Variants in FANK1 observed in about 807,000 individuals in gnomAD.
FANK1 encodes the protein fibronectin type III and ankyrin repeat domains 1, also known as fibronectin type 3 and ankyrin repeat domains protein 1.
FANK1 carries 44 observed loss-of-function variants against 45.3 expected under a neutral mutation model. That is an observed-to-expected ratio of 0.97 (90% confidence interval 0.76 to 1.25). The LOEUF is 1.25. Ranked by LOEUF, FANK1 falls within the 50% of genes most tolerant of loss-of-function variation. FANK1 has a pLI of 0.00. For synonymous variants in FANK1, 149 were observed against 152.5 expected (o/e 0.98, Z 0.17); for missense variants, 391 against 424.4 (o/e 0.92, Z 0.69).
At chr10:125,898,105 T>A (rs1944729448) in intron 1 of FANK1, among the ~76,000 whole-genome samples, 2 of 150,254 alleles carry the variant, frequency 1.3e-5, no homozygotes, top group African/African-American at 2.5e-5. Context: ...GGGAATCGCT[T>A]GAACCCGGGA....
intron 1 of FANK1, among the ~76,000 whole-genome samples, chr10:125,936,091 A>G (rs992345638): frequency 4.6e-5 from 7 of 152,198 alleles, no homozygotes; most frequent in Admixed American, 3.9e-4. Context: ...ATGTAGAAAC[A>G]TTTTTATATT....
chr10:125,967,283 C>T (rs10901486), intron 1 of FANK1, among the ~76,000 whole-genome samples: 54,281 of 151,678 alleles, frequency 0.36, 9,967 homozygotes, highest in South Asian at 0.43. Flanking sequence ...AATCCTGGCT[C>T]TGCTGCTTGT....
chr10:126,006,720 C>T (rs1009395132), intron 7 of FANK1, among the ~76,000 whole-genome samples: 14 of 152,236 alleles, frequency 9.2e-5, no homozygotes, highest in South Asian at 4.2e-4. Context: ...ATTAGCCAGG[C>T]GTGGTGGTGG....
At chr10:125,943,128 A>C (rs1948561604) in intron 1 of FANK1, among the ~76,000 whole-genome samples, 1 of 152,172 alleles carries the variant, frequency 6.6e-6, no homozygotes, top group African/African-American at 2.4e-5. Context: ...TTGCTGCTTG[A>C]TGTCAGAATA....
At chr10:125,951,496 A>T (rs1008953679) in intron 1 of FANK1, among the ~76,000 whole-genome samples, 2 of 152,202 alleles carry the variant, frequency 1.3e-5, no homozygotes, top group African/African-American at 2.4e-5. Context: ...GACGGAAGTC[A>T]ACACATTCAT....
At chr10:125,960,242 T>C in intron 1 of FANK1, 1 of 295,348 alleles carries the variant, frequency 3.4e-6, no homozygotes, top group Non-Finnish European at 6.8e-6. Flanking sequence ...GGGGGTTACT[T>C]CCTGCTGGAA....
chr10:125,955,063 C>T (rs1949493787), intron 1 of FANK1, among the ~76,000 whole-genome samples: 1 of 151,816 alleles, frequency 6.6e-6, no homozygotes, highest in Non-Finnish European at 1.5e-5. Context: ...CTTTGCTCCA[C>T]CAAGAATATC....
chr10:125,931,934 A>G (rs773756014), intron 1 of FANK1, among the ~76,000 whole-genome samples: 4 of 152,146 alleles, frequency 2.6e-5, no homozygotes, highest in African/African-American at 4.8e-5. Flanking sequence ...TGCATAACCA[A>G]TTAGCCCAGC....
Position 125,922,138 on chromosome 10 carries a change from T to C in FANK1, c.13+25483T>C, listed in dbSNP as rs553215026. Among the ~76,000 whole-genome samples, 15 of 152,354 alleles carry C rather than the reference T, an allele frequency of 9.8e-5. No homozygotes were observed. The South Asian group carries it at 3.1e-3, about 32-fold the overall frequency. ...GATGTCATATTTATTAAGTTCAAAC[T>C]GTTTTCCAATTTTTCTTAAGACACT... On this transcript the variant is annotated intron_variant, in intron 1 of 10. Transcript: ENST00000368693.
intron 1 of FANK1, among the ~76,000 whole-genome samples, chr10:125,969,150 A>G (rs1023170421): frequency 2.6e-5 from 4 of 152,152 alleles, no homozygotes; most frequent in African/African-American, 7.2e-5. Flanking sequence ...ATTTGTCATG[A>G]TGAAAAGATC....
rs1376092596 is a variant in FANK1 at position 125,980,227 on chromosome 10, T to C, written c.80T>C (p.Leu27Ser). The C allele has an allele frequency of 1.2e-6, 2 of 1,614,132 alleles. No homozygotes were observed. The highest frequency in any genetic ancestry group is 1.7e-6 in the Non-Finnish European group (2 of 1,180,024). Residue 27 changes from leucine to serine, a missense_variant, in exon 2 of 11, where the codon TTA (leucine) becomes TCA (serine). By Grantham distance (145) the Leu-to-Ser change is moderately radical. Coordinates refer to ENST00000368693, the MANE Select transcript of FANK1 (RefSeq NM_145235.5). ...AAAGTGACTCATCACAGCATTGAAT[T>C]ATACTGGGATCTGGAAAAGAAAGCC... is the stretch of plus-strand genomic sequence containing the variant. The part of the protein sequence containing the change: ...VGKVTHHSIE[L>S]YWDLEKKAKR...
chr10:125,923,460 CA>C (rs72485360), intron 1 of FANK1, among the ~76,000 whole-genome samples: 23 of 144,350 alleles, frequency 1.6e-4, no homozygotes, highest in East Asian at 4.1e-4. Context: ...GACCTTGTCT[CA>C]AAAAAAAAAA....
chr10:125,910,101 T>G (rs1363259866), intron 1 of FANK1, among the ~76,000 whole-genome samples: 1 of 152,220 alleles, frequency 6.6e-6, no homozygotes, highest in African/African-American at 2.4e-5. Flanking sequence ...TACTTTAAAG[T>G]TCATGTCTGA....
At chr10:125,948,368 A>G (rs1320307206) in intron 1 of FANK1, among the ~76,000 whole-genome samples, 2 of 152,220 alleles carry the variant, frequency 1.3e-5, no homozygotes, top group Non-Finnish European at 2.9e-5. Flanking sequence ...ATAGACCACT[A>G]GCAAGACTAA....
chr10:125,984,217 A>G (rs1005068190), intron 2 of FANK1, among the ~76,000 whole-genome samples: 2 of 152,138 alleles, frequency 1.3e-5, no homozygotes, highest in Non-Finnish European at 2.9e-5. Context: ...TCCATCCTGC[A>G]TTGTCCTCCT....
At chr10:126,009,290 C>G in intron 10 of FANK1, 24 bp downstream of exon 10, 1 of 1,614,126 alleles carries the variant, frequency 6.2e-7, no homozygotes, top group Non-Finnish European at 8.5e-7. Context: ...TTCTGCCTAT[C>G]AAGGCTAATT....
chr10:125,989,438 T>C, intron 3 of FANK1: 1 of 1,373,088 alleles, frequency 7.3e-7, no homozygotes, highest in South Asian at 1.2e-5. Context: ...AGGTAGCATT[T>C]GGCTTGGAGG....
At chr10:126,002,810 A>C (rs973771209) in intron 6 of FANK1, among the ~76,000 whole-genome samples, 3 of 117,914 alleles carry the variant, frequency 2.5e-5, no homozygotes, top group African/African-American at 9.4e-5. Context: ...TTCTGAAATT[A>C]GTAGATAGCA....
chr10:125,994,069 G>A (rs1952129906), intron 3 of FANK1, among the ~76,000 whole-genome samples: 1 of 152,074 alleles, frequency 6.6e-6, no homozygotes, highest in Non-Finnish European at 1.5e-5. Context: ...TCTACCATAA[G>A]GAGCAGGAAG....
Sources: allele counts gnomAD v4.1 joint callset (sites outside exome capture counted in the v4.1 genomes callset), GRCh38; gene constraint gnomAD v4.1.1; transcripts MANE v1.5; gene names NCBI Gene and HGNC (gene_info 2026-07-23, HGNC 2026-07-21).